Variants in CFAP54 observed in about 807,000 individuals in gnomAD.
CFAP54 encodes the protein cilia and flagella associated protein 54, also known as cilia- and flagella-associated protein 54.
A neutral mutation model predicts 370.4 loss-of-function variants in CFAP54; 290 were observed. The ratio of observed to expected loss-of-function variants is 0.78; its 90% CI spans 0.71 to 0.86. CFAP54 has a LOEUF of 0.86. Ranked by LOEUF, CFAP54 falls within the 40% of genes least tolerant of loss-of-function variation. The pLI is 0.00. For missense variants in CFAP54, 3,399 were observed against 3,528.7 expected (o/e 0.96, Z 0.93); for synonymous variants, 1,206 against 1,236.5 (o/e 0.98, Z 0.52).
At chr12:96,852,435 T>G (rs1959574639) in intron 66 of CFAP54, among the ~76,000 whole-genome samples, 1 of 152,132 alleles carries the variant, frequency 6.6e-6, no homozygotes, top group Non-Finnish European at 1.5e-5. Context: ...GTAACTCATC[T>G]TTTCAATAAA....
rs1476223526 is a variant in CFAP54 at position 96,580,956 on chromosome 12, G to C, written c.2926G>C (p.Gly976Arg). ...CGGTAAAAGTGTTTTTGAAGTGAAA[G>C]GTTTAGAAACCAATGAAAAGTATGT... ...ADGKSVFEVK[G>R]LETNEKYVFA... Residue 976 changes from glycine (G) to arginine (R), a missense_variant, in exon 22 of 68, where the codon GGT (glycine) becomes CGT (arginine). Coordinates refer to ENST00000524981, the MANE Select transcript of CFAP54 (RefSeq NM_001306084.2). 4 of 1,517,752 alleles carry C rather than the reference G, an allele frequency of 2.6e-6. No individual in the cohort carries two copies. In the East Asian group the frequency reaches 1.0e-4, roughly 38 times the overall value. The allele number at this position is 1,517,752 out of a possible 1,614,324, so 94.0% of individuals were successfully genotyped here. A position where few individuals can be genotyped will look rare whatever the true frequency, so the allele number is the denominator to read the frequency against.
chr12:96,511,537 C>T (rs1955167858), intron 4 of CFAP54, among the ~76,000 whole-genome samples: 2 of 152,286 alleles, frequency 1.3e-5, no homozygotes, highest in Admixed American at 6.5e-5. Context: ...AGGCTGATCT[C>T]GAATTCCTGA....
intron 46 of CFAP54, among the ~76,000 whole-genome samples, chr12:96,700,439 G>C (rs1957479708): frequency 2.6e-5 from 4 of 152,110 alleles, no homozygotes; most frequent in Admixed American, 2.0e-4. Flanking sequence ...TTCTGGTTAA[G>C]ATTTTAAATC....
At position 96,657,986 on chromosome 12, in the gene CFAP54, A is replaced by C; in HGVS notation, c.5205A>C (p.Val1735=). Residue 1735 remains valine (V), a synonymous_variant, in exon 37 of 68, where the codon GTA becomes GTC. Coordinates refer to ENST00000524981, the MANE Select transcript of CFAP54 (RefSeq NM_001306084.2). ...CCTTTGAGCATCCTTTGGATGATGT[A>C]AATGTGGTTGATTTGAAATGGATCC... ...SLTFEHPLDD[V]NVVDLKWIHD... 1 of 1,613,764 alleles carries C rather than the reference A, an allele frequency of 6.2e-7. No individual in the cohort carries two copies. Among genetic ancestry groups the C allele is most frequent in the Non-Finnish European group, 8.5e-7 (1 of 1,179,748 alleles).
chr12:96,860,354 GC>G (rs909871243), intron 66 of CFAP54, among the ~76,000 whole-genome samples: 16 of 151,958 alleles, frequency 1.1e-4, no homozygotes, highest in African/African-American at 3.9e-4. Flanking sequence ...CCATTTTTCA[GC>G]CTGCCCAGGA....
chr12:96,693,730 T>A lies in CFAP54; in HGVS notation c.6273T>A (p.Pro2091=), dbSNP rs1291787933. The part of the protein sequence containing the change: ...HFVRQNLIVL[P]LLALYQYFVS... ...TGTTTTTCTCCTGATAGGTTCTGCC[T>A]CTCCTTGCATTGTATCAATATTTTG... The change falls in exon 45 of 68, where the codon CCT becomes CCA. Residue 2091 remains proline, a synonymous_variant. Coordinates refer to ENST00000524981, the MANE Select transcript of CFAP54 (RefSeq NM_001306084.2). 1.3e-6 allele frequency: 2 copies of A among 1,582,330 alleles called. No individual in the cohort carries two copies. Among genetic ancestry groups the A allele is most frequent in the Non-Finnish European group, 1.7e-6 (2 of 1,156,142 alleles).
At chr12:96,605,711 G>A (rs74584265) in intron 26 of CFAP54, among the ~76,000 whole-genome samples, 2,215 of 152,318 alleles carry the variant, frequency 0.015, 65 homozygotes, top group African/African-American at 0.051. Flanking sequence ...CATAGTAATT[G>A]TAGGAGGAGA....
At chr12:96,717,664 T>C (rs1019205489) in intron 48 of CFAP54, among the ~76,000 whole-genome samples, 1 of 152,166 alleles carries the variant, frequency 6.6e-6, no homozygotes, top group Admixed American at 6.5e-5. Context: ...TTGAAAGAGA[T>C]ATTTGAGTAT....
chr12:96,492,731 G>A (rs1277537416), intron 1 of CFAP54, among the ~76,000 whole-genome samples: 3 of 152,208 alleles, frequency 2.0e-5, no homozygotes, highest in African/African-American at 4.8e-5. Flanking sequence ...AGTGGCTTAC[G>A]CCTGTAATCC....
intron 2 of CFAP54, among the ~76,000 whole-genome samples, chr12:96,502,055 C>A (rs1365277560): frequency 1.3e-5 from 2 of 152,010 alleles, no homozygotes; most frequent in Non-Finnish European, 2.9e-5. Flanking sequence ...ATAAAAAGCA[C>A]AGTGTAGGGT....
At chr12:96,689,201 G>C (rs1362229888) in intron 43 of CFAP54, among the ~76,000 whole-genome samples, 1 of 151,578 alleles carries the variant, frequency 6.6e-6, no homozygotes, top group Non-Finnish European at 1.5e-5. Context: ...CACTCTGTCA[G>C]CCAGGCTGGA....
intron 46 of CFAP54, among the ~76,000 whole-genome samples, chr12:96,702,551 C>A (rs1466715125): frequency 9.7e-5 from 5 of 51,720 alleles, no homozygotes. Context: ...TCACTGCCTT[C>A]ACTGAAATAA....
At chr12:96,824,666 GTCC>G (rs1959066784) in intron 65 of CFAP54, among the ~76,000 whole-genome samples, 1 of 152,118 alleles carries the variant, frequency 6.6e-6, no homozygotes, top group African/African-American at 2.4e-5. Context: ...TAGTCTGCCT[GTCC>G]TCCATCATTT....
chr12:96,735,829 T>G (rs1260245895), intron 50 of CFAP54, among the ~76,000 whole-genome samples: 6 of 152,138 alleles, frequency 3.9e-5, no homozygotes, highest in Non-Finnish European at 7.4e-5. Flanking sequence ...AATGGAGAAG[T>G]GTGTTTTGGA....
chr12:96,839,655 A>G (rs563512371), intron 66 of CFAP54, among the ~76,000 whole-genome samples: 5 of 152,374 alleles, frequency 3.3e-5, no homozygotes, highest in African/African-American at 1.2e-4. Flanking sequence ...TGGGAAGGGC[A>G]TAGTGGAGTA....
chr12:96,574,630 T>C (rs1363348997), intron 19 of CFAP54, among the ~76,000 whole-genome samples: 2 of 152,086 alleles, frequency 1.3e-5, no homozygotes, highest in Non-Finnish European at 1.5e-5. Context: ...ATGATCATGT[T>C]TTTTCTCATT....
rs772793976 is a variant in CFAP54, at chr12:96,491,759, C to CTTTA, written c.317+1848_317+1851dup. ...GCCCATTATATACCTACTCTATATGCTTTATTTATTTATTTATTGATAGGG... is the reference window on the plus strand; with the variant it reads ...GCCCATTATATACCTACTCTATATGCTTTATTTATTTATTTATTTATTGATAGGG... On this transcript the variant is annotated intron_variant, in intron 1 of 67. Coordinates refer to ENST00000524981, the MANE Select transcript of CFAP54 (RefSeq NM_001306084.2). 1.3e-4 allele frequency among the ~76,000 whole-genome samples: 20 copies of CTTTA among 152,090 alleles called. No homozygotes were observed. The Middle Eastern group carries it at 0.01, about 78-fold the overall frequency.
At chr12:96,705,557 C>T (rs1305568278) in intron 47 of CFAP54, among the ~76,000 whole-genome samples, 1 of 152,164 alleles carries the variant, frequency 6.6e-6, no homozygotes, top group African/African-American at 2.4e-5. Flanking sequence ...AAGAATATTT[C>T]TGTCTTTCCT....
At chr12:96,499,805 G>A (rs777516397) in intron 1 of CFAP54, among the ~76,000 whole-genome samples, 47 of 152,074 alleles carry the variant, frequency 3.1e-4, no homozygotes, top group Non-Finnish European at 6.2e-4. Context: ...AATCAGCCAG[G>A]CATGGTGGTG....
Sources: gnomAD v4.1 joint callset for allele counts (sites outside exome capture counted in the v4.1 genomes callset) on GRCh38, gnomAD v4.1.1 for gene constraint, MANE v1.5 for transcripts, NCBI Gene and HGNC (gene_info 2026-07-23, HGNC 2026-07-21) for gene names.